Variants in VMP1 observed in about 807,000 individuals in gnomAD.
VMP1 encodes the protein vacuole membrane protein 1, also known as ectopic P-granules autophagy protein 3 homolog.
VMP1 carries 11 observed loss-of-function variants against 56.0 expected under a neutral mutation model. The observed-to-expected ratio is 0.20, with a 90% confidence interval of 0.12 to 0.32. VMP1 has a LOEUF of 0.32. VMP1 is among the 10% of genes least tolerant of loss of function. VMP1 has a pLI of 1.00. For synonymous variants in VMP1, 149 were observed against 165.0 expected, an observed-to-expected ratio of 0.90 and a Z score of 0.74; for missense variants, 296 against 490.3, an observed-to-expected ratio of 0.60 and a Z score of 3.74.
chr17:59,798,989 G>A (rs909721594), intron 7 of VMP1, among the ~76,000 whole-genome samples: 1 of 152,180 alleles, frequency 6.6e-6, no homozygotes. Flanking sequence ...ATATAAATAT[G>A]AGTATAAACA....
At chr17:59,793,636 A>AT (rs2037318594) in intron 7 of VMP1, among the ~76,000 whole-genome samples, 1 of 113,784 alleles carries the variant, frequency 8.8e-6, no homozygotes, top group African/African-American at 2.6e-5. Flanking sequence ...TTATTTATTT[A>AT]TTTTTTTTGA....
intron 7 of VMP1, among the ~76,000 whole-genome samples, chr17:59,776,461 TA>T (rs1293010326): frequency 6.6e-6 from 1 of 152,192 alleles, no homozygotes; most frequent in African/African-American, 2.4e-5. Flanking sequence ...TTATTACAAA[TA>T]TAAACTTTTA....
intron 1 of VMP1, among the ~76,000 whole-genome samples, chr17:59,725,272 GCTT>G (rs1310843280): frequency 2.0e-5 from 3 of 152,172 alleles, no homozygotes; most frequent in Non-Finnish European, 4.4e-5. Flanking sequence ...GTTATGTTCA[GCTT>G]CTTAGACAGA....
At chr17:59,710,071 C>T (rs1482304687) in intron 1 of VMP1, among the ~76,000 whole-genome samples, 1 of 152,100 alleles carries the variant, frequency 6.6e-6, no homozygotes, top group South Asian at 2.1e-4. Flanking sequence ...GTGGCAGGCG[C>T]CTGTAATCCC....
chr17:59,788,804 TAAAA>T (rs10640460), intron 7 of VMP1, among the ~76,000 whole-genome samples: 1 of 138,662 alleles, frequency 7.2e-6, no homozygotes. Flanking sequence ...AGACTCCATC[TAAAA>T]AAAAAAAAAA....
intron 7 of VMP1, among the ~76,000 whole-genome samples, chr17:59,804,113 G>A (rs573687242): frequency 5.9e-4 from 90 of 151,586 alleles, no homozygotes; most frequent in African/African-American, 2.1e-3. Context: ...AATAAGAGCC[G>A]CCAAATTATA....
intron 7 of VMP1, among the ~76,000 whole-genome samples, chr17:59,782,284 T>C (rs956213455): frequency 6.6e-6 from 1 of 150,472 alleles, no homozygotes; most frequent in African/African-American, 2.5e-5. Context: ...ACATATGATA[T>C]GATGTAGGAA....
intron 1 of VMP1, among the ~76,000 whole-genome samples, chr17:59,712,502 AT>A (rs1369864927): frequency 1.3e-5 from 2 of 152,172 alleles, no homozygotes; most frequent in East Asian, 3.9e-4. Flanking sequence ...AGTGACATCT[AT>A]TGCCTTATCT....
At chr17:59,815,485 G>A (rs2038194572) in intron 9 of VMP1, among the ~76,000 whole-genome samples, 2 of 150,598 alleles carry the variant, frequency 1.3e-5, no homozygotes, top group Admixed American at 6.7e-5. Context: ...TTGGTTCACT[G>A]ATGTATTATA....
At chr17:59,794,994 T>TG (rs2037383505) in intron 7 of VMP1, among the ~76,000 whole-genome samples, 1 of 84,014 alleles carries the variant, frequency 1.2e-5, no homozygotes, top group African/African-American at 5.4e-5. Flanking sequence ...GCAGATTTGA[T>TG]CTTTTTTTTT....
intron 7 of VMP1, among the ~76,000 whole-genome samples, chr17:59,774,980 C>T (rs536717891): frequency 2.7e-5 from 4 of 150,184 alleles, no homozygotes; most frequent in African/African-American, 9.8e-5. Flanking sequence ...CTCGCTCTGT[C>T]GCCAAGGCTG....
intron 5 of VMP1, 23 bp from the exon 6 acceptor site, chr17:59,764,948 A>AGTTTCTT (rs1568104308): frequency 1.3e-6 from 2 of 1,486,386 alleles, no homozygotes; most frequent in Non-Finnish European, 1.8e-6. Flanking sequence ...TCTTATCAGA[A>AGTTTCTT]GTTTCTTGTA....
intron 1 of VMP1, among the ~76,000 whole-genome samples, chr17:59,719,595 T>G (rs2034314647): frequency 6.6e-6 from 1 of 152,218 alleles, no homozygotes; most frequent in Admixed American, 6.5e-5. Context: ...TTCTACCTTG[T>G]TAACTGTTCC....
intron 6 of VMP1, among the ~76,000 whole-genome samples, chr17:59,766,364 C>T (rs533930154): frequency 2.0e-4 from 31 of 152,138 alleles, no homozygotes; most frequent in African/African-American, 6.7e-4. Flanking sequence ...ATTAGCCGGG[C>T]GTGGTGGCGC....
intron 1 of VMP1, among the ~76,000 whole-genome samples, chr17:59,724,792 C>T (rs1362384416): frequency 6.6e-6 from 1 of 151,788 alleles, no homozygotes; most frequent in East Asian, 1.9e-4. Flanking sequence ...AGTGAAACCA[C>T]GTCTCTACTA....
chr17:59,809,323 T>G (rs2144216392), intron 8 of VMP1, among the ~76,000 whole-genome samples: 1 of 125,538 alleles, frequency 8.0e-6, no homozygotes, highest in South Asian at 2.8e-4. Context: ...TTTTTTTTTT[T>G]TTTTTTTTTG....
At chr17:59,804,569 C>G (rs1299690619) in intron 7 of VMP1, among the ~76,000 whole-genome samples, 1 of 142,478 alleles carries the variant, frequency 7.0e-6, no homozygotes, top group South Asian at 2.2e-4. Context: ...GAGCCAAGAT[C>G]GCACCACTTC....
At chr17:59,807,553 C>T (rs1404690131) in intron 7 of VMP1, among the ~76,000 whole-genome samples, 1 of 151,850 alleles carries the variant, frequency 6.6e-6, no homozygotes, top group Non-Finnish European at 1.5e-5. Context: ...GAACTAAAGG[C>T]CGGGTGTAGT....
rs2037938231 is a variant in VMP1, at chr17:59,808,797, A to G, written c.716A>G (p.Asp239Gly). The G allele has an allele frequency of 6.2e-7, 1 of 1,613,580 alleles. No homozygotes were observed. The highest frequency in any genetic ancestry group is 2.2e-5 in the East Asian group (1 of 44,856). Reference protein sequence around the residue: ...EMLEHAESAQDFASRAKLAVQ... With the variant: ...EMLEHAESAQGFASRAKLAVQ... ...GTTTCTAAATTTGCCTTTTTACAGG[A>G]CTTTGCCTCCCGGGCCAAACTGGCA... is the stretch of plus-strand genomic sequence containing the variant. The change falls in exon 8 of 12, where the codon GAC (aspartate) becomes GGC (glycine). Residue 239 changes from aspartate (D) to glycine (G), a missense_variant and splice_region_variant. Physicochemically the swap from Asp to Gly is moderately conservative, Grantham distance 94 (BLOSUM62 -1). Around this residue, in one of 4 missense-constraint regions of VMP1, gnomAD observed 126 missense variants for 231.6 expected, o/e 0.54. Coordinates refer to ENST00000262291, the MANE Select transcript of VMP1 (RefSeq NM_030938.5).
Sources: allele counts gnomAD v4.1 joint callset (sites outside exome capture counted in the v4.1 genomes callset), GRCh38; gene constraint gnomAD v4.1.1; regional missense constraint gnomAD v4.1.1; transcripts MANE v1.5; gene names NCBI Gene and HGNC (gene_info 2026-07-23, HGNC 2026-07-21).